The following LYST variants were observed in gnomAD, a reference collection of about 807,000 sequenced individuals.
LYST encodes lysosomal-trafficking regulator.
LYST carries 192 observed loss-of-function variants against 413.6 expected under a neutral mutation model. The ratio of observed to expected loss-of-function variants is 0.46; its 90% confidence interval spans 0.41 to 0.52. LYST has a LOEUF of 0.52. Among genes scored for constraint, LYST ranks in the 20% least tolerant of loss-of-function variants. The probability of loss-of-function intolerance (pLI) is 0.00; values close to 1 mark genes in which losing one functional copy is unlikely to be tolerated. For synonymous variants in LYST, 1,525 were observed against 1,567.3 expected (o/e 0.97, Z 0.64); for missense variants, 3,815 against 4,499.9 (o/e 0.85, Z 4.35).
rs1314991161 is a variant in LYST at position 235,854,139 on chromosome 1, G to A, written c.-98+12704C>T. 6.6e-6 allele frequency among the ~76,000 whole-genome samples: 1 copy of A among 152,104 alleles called. No homozygotes were observed. The highest frequency in any genetic ancestry group is 2.4e-5 in the African/African-American group (1 of 41,396). Reference sequence around the variant, plus strand: ...GCATGATGATGATGATGATAATCTGGCTAACACCTACAGTGATTAATTACT... The same window carrying A: ...GCATGATGATGATGATGATAATCTGACTAACACCTACAGTGATTAATTACT... On this transcript the variant is annotated intron_variant, in intron 1 of 52. Transcript: ENST00000389793. The surrounding 1 kb of genome is among the most constrained non-coding windows in gnomAD (Gnocchi z 4.1).
chr1:235,791,721 T>C lies in LYST; in HGVS notation c.4521A>G (p.Pro1507=). 1 of 1,612,622 alleles carries C rather than the reference T, an allele frequency of 6.2e-7. No homozygotes were observed. The highest frequency in any genetic ancestry group is 8.5e-7 in the Non-Finnish European group (1 of 1,178,878). Reference sequence around the variant, plus strand: ...TACCTGTACCATCAAAACTGCTATCTGGTAAAATTAATGATTTGTTTCTTT... The same window carrying C: ...TACCTGTACCATCAAAACTGCTATCCGGTAAAATTAATGATTTGTTTCTTT... ...IKKRNKSLIL[P]DSSFDGTESD... The change falls in exon 12 of 53, where the codon CCA becomes CCG. Residue 1507 remains proline, a synonymous_variant. Transcript: ENST00000389793.
chr1:235,733,159 T>C (rs1421515676), intron 34 of LYST, among the ~76,000 whole-genome samples: 1 of 152,174 alleles, frequency 6.6e-6, no homozygotes, highest in Non-Finnish European at 1.5e-5. Flanking sequence ...GATTTCCCGC[T>C]TTTTGTTATT....
intron 10 of LYST, among the ~76,000 whole-genome samples, chr1:235,795,625 C>G (rs1030050456): frequency 6.6e-5 from 10 of 152,136 alleles, no homozygotes; most frequent in Admixed American, 3.9e-4. Context: ...GTTTGGGAAG[C>G]CCCTAATCAT....
chr1:235,689,667 A>T (rs910443360), intron 47 of LYST, among the ~76,000 whole-genome samples: 1 of 152,216 alleles, frequency 6.6e-6, no homozygotes, highest in African/African-American at 2.4e-5. Flanking sequence ...CACACACGTA[A>T]AAAATGCTAA....
chr1:235,809,329 T>C lies in LYST; in HGVS notation c.1489A>G (p.Thr497Ala). Reference protein sequence around the residue: ...KSEQLHHSMCTRKRHRRCEYS... With the variant: ...KSEQLHHSMCARKRHRRCEYS... Reference sequence around the variant, plus strand: ...TCACATCGTCTGTGCCTTTTTCTTGTACACATCGAATGATGAAGTTGCTCT... The same window carrying C: ...TCACATCGTCTGTGCCTTTTTCTTGCACACATCGAATGATGAAGTTGCTCT... Residue 497 changes from threonine to alanine, a missense_variant, in exon 5 of 53, where the codon ACA becomes GCA. Thr to Ala is a moderately conservative substitution (Grantham distance 58, BLOSUM62 0). Transcript: ENST00000389793. This position sits in a 1 kb window ranked among gnomAD's most constrained non-coding sequence, Gnocchi z 4.0. 1.2e-6 allele frequency: 2 copies of C among 1,614,112 alleles called. No homozygotes were observed. The highest frequency in any genetic ancestry group is 1.7e-6 in the Non-Finnish European group (2 of 1,179,988).
At chr1:235,813,129 T>A in intron 3 of LYST, 68 bp from the exon 4 acceptor site, 3 of 934,424 alleles carry the variant, frequency 3.2e-6, no homozygotes, top group Non-Finnish European at 5.2e-6. Context: ...TAATGTCTTG[T>A]CTTAAACTGA....
At chr1:235,805,666 T>G in intron 6 of LYST, 77 bp downstream of exon 6, 1 of 688,886 alleles carries the variant, frequency 1.5e-6, no homozygotes, top group Non-Finnish European at 2.3e-6. Flanking sequence ...ACATATTACA[T>G]TTTTTATATA....
At chr1:235,752,682 A>G (rs1266519696) in intron 26 of LYST, among the ~76,000 whole-genome samples, 1 of 152,106 alleles carries the variant, frequency 6.6e-6, no homozygotes, top group Non-Finnish European at 1.5e-5. Flanking sequence ...ATTTATAAAT[A>G]TCCAATAAAT....
chr1:235,726,554 C>T (rs188921370), intron 38 of LYST, among the ~76,000 whole-genome samples: 7 of 151,932 alleles, frequency 4.6e-5, no homozygotes, highest in East Asian at 1.9e-4. Flanking sequence ...GCACACACAA[C>T]GCAAGATACC....
At chr1:235,740,617 T>C (rs561340163) in intron 31 of LYST, among the ~76,000 whole-genome samples, 13 of 152,326 alleles carry the variant, frequency 8.5e-5, no homozygotes, top group Middle Eastern at 3.4e-3. Flanking sequence ...TAGAGCTGTA[T>C]AATAGTCTAT....
intron 45 of LYST, among the ~76,000 whole-genome samples, chr1:235,699,044 G>C (rs879724208): frequency 2.0e-5 from 3 of 152,116 alleles, no homozygotes; most frequent in African/African-American, 7.2e-5. Context: ...CAATGACACA[G>C]AAAGATACAA....
At chr1:235,687,108 T>C in intron 47 of LYST, 61 bp from the exon 48 acceptor site, 1 of 1,144,966 alleles carries the variant, frequency 8.7e-7, no homozygotes. Flanking sequence ...TAAAGTATAA[T>C]AAAAATAAAA....
Position 235,780,965 on chromosome 1 carries a change from ACT to A in LYST, c.5112_5113del (p.Val1705GlnfsTer2). Reference sequence around the variant, plus strand: ...ATTAATATATTTGGAGTAGTCATTGACTGGCTTGCCATACTTACATGGCATTA... The same window carrying A: ...ATTAATATATTTGGAGTAGTCATTGAGGCTTGCCATACTTACATGGCATTA... On this transcript the variant is annotated frameshift_variant, in exon 16 of 53. Coordinates refer to ENST00000389793, the MANE Select transcript of LYST (RefSeq NM_000081.4). LOFTEE classifies it high-confidence loss of function. 1 of 1,606,230 alleles carries A rather than the reference ACT, an allele frequency of 6.2e-7. No individual in the cohort carries two copies. Among genetic ancestry groups the A allele is most frequent in the Non-Finnish European group, 8.5e-7 (1 of 1,173,992 alleles).
In LYST at chr1:235,805,812, G is replaced by A. The variant is rs200456494; in HGVS notation, c.3324C>T (p.Ala1108=). The A allele has an allele frequency of 1.4e-5, 22 of 1,613,452 alleles. No homozygotes were observed. In the Admixed American group the frequency reaches 3.7e-4, roughly 27 times the overall value. Residue 1108 remains alanine, a synonymous_variant, in exon 6 of 53, where the codon GCC becomes GCT. Coordinates refer to ENST00000389793, the MANE Select transcript of LYST (RefSeq NM_000081.4). ...CACCATGAAGACAAATGGCCAGAAG[G>A]GCTTCCAAAAGTCGTATACTTTGAA... ...TSLQSIRLLE[A]LLAICLHGAR... is the part of the protein sequence containing the mutation.
chr1:235,786,863 C>T (rs1558243060), intron 14 of LYST, among the ~76,000 whole-genome samples: 1 of 130,296 alleles, frequency 7.7e-6, no homozygotes, highest in African/African-American at 3.0e-5. Flanking sequence ...AACACTTGGA[C>T]ACAGGAAGGG....
chr1:235,721,218 G>A (rs1172644977), intron 39 of LYST, among the ~76,000 whole-genome samples: 1 of 152,114 alleles, frequency 6.6e-6, no homozygotes, highest in Non-Finnish European at 1.5e-5. Context: ...AAAAAGAAGA[G>A]TTTTCTTCTA....
intron 1 of LYST, among the ~76,000 whole-genome samples, chr1:235,866,486 C>G (rs1043094284): frequency 6.6e-6 from 1 of 152,170 alleles, no homozygotes; most frequent in Non-Finnish European, 1.5e-5. Flanking sequence ...AAGGTAGCAA[C>G]ACACCGCCGT....
chr1:235,848,228 A>G (rs995993786), intron 1 of LYST, among the ~76,000 whole-genome samples: 1 of 152,162 alleles, frequency 6.6e-6, no homozygotes, highest in African/African-American at 2.4e-5. Context: ...CTCCAAAGGG[A>G]AGCTTCAAAA....
intron 19 of LYST, among the ~76,000 whole-genome samples, chr1:235,773,119 C>G (rs1668876800): frequency 6.6e-6 from 1 of 151,938 alleles, no homozygotes; most frequent in Admixed American, 6.5e-5. Flanking sequence ...GAGTTCAAGA[C>G]CAGCCTGAGC....
Sources: allele counts gnomAD v4.1 joint callset (sites outside exome capture counted in the v4.1 genomes callset), GRCh38; gene constraint gnomAD v4.1.1; non-coding constraint Gnocchi (gnomAD v3.1); transcripts MANE v1.5; gene names NCBI Gene and HGNC (gene_info 2026-07-23, HGNC 2026-07-21).